DARS2: variants seen among roughly 807,000 people sequenced by gnomAD.
The protein encoded by DARS2 is aspartyl-tRNA synthetase 2, mitochondrial.
Under a neutral mutation model 83.0 loss-of-function variants are expected in DARS2, and 63 were observed. The observed-to-expected ratio is 0.76, with a 90% confidence interval of 0.62 to 0.94. The LOEUF is 0.94. DARS2 is among the 40% of genes least tolerant of loss of function. The pLI, the probability that DARS2 is intolerant of heterozygous loss-of-function variation, is 0.00. For synonymous variants in DARS2, 250 were observed against 269.3 expected, an observed-to-expected ratio of 0.93 and a Z score of 0.70; for missense variants, 675 against 774.4, an observed-to-expected ratio of 0.87 and a Z score of 1.52.
At chr1:173,850,726 C>T (rs1313821483) in intron 13 of DARS2, among the ~76,000 whole-genome samples, 1 of 151,846 alleles carries the variant, frequency 6.6e-6, no homozygotes, top group Non-Finnish European at 1.5e-5. Context: ...CTGCCTCAGC[C>T]TCCTGAGTAG....
intron 13 of DARS2, 89 bp from the exon 14 acceptor site, chr1:173,853,260 A>G (rs1653739897): frequency 7.8e-7 from 1 of 1,280,058 alleles, no homozygotes; most frequent in East Asian, 2.3e-5. Flanking sequence ...CCTTTCCTAG[A>G]GAATGGCCTG....
chr1:173,839,256 A>G (rs1653120204), intron 9 of DARS2, 111 bp from the exon 10 acceptor site: 1 of 881,366 alleles, frequency 1.1e-6, no homozygotes. Context: ...TAATATTTAT[A>G]CCCTCTGCAT....
intron 12 of DARS2, 78 bp downstream of exon 12, chr1:173,845,369 T>G: frequency 7.8e-6 from 7 of 896,132 alleles, no homozygotes; most frequent in Non-Finnish European, 1.3e-5. Flanking sequence ...ACTATCATTA[T>G]CATTAGTTTT....
Position 173,840,936 on chromosome 1 carries a change from A to T in DARS2, c.1091A>T (p.His364Leu). The change falls in exon 11 of 17, where the codon CAT becomes CTT. Residue 364 changes from histidine (H) to leucine (L), a missense_variant. Coordinates refer to ENST00000649689, the MANE Select transcript of DARS2 (RefSeq NM_018122.5). ...CTTCAAGATGCACTTAGTAAGCCCC[A>T]TGGAACTGTGAAAGCCATATGTATC... ...GFLQDALSKPHGTVKAICIPE... is the reference protein window; with the variant it reads ...GFLQDALSKPLGTVKAICIPE... The T allele has an allele frequency of 6.2e-7, 1 of 1,612,564 alleles. No individual in the cohort carries two copies. The highest frequency in any genetic ancestry group is 8.5e-7 in the Non-Finnish European group (1 of 1,178,580).
At chr1:173,838,333 A>G (rs549146028) in intron 9 of DARS2, 74 bp downstream of exon 9, 1 of 1,100,454 alleles carries the variant, frequency 9.1e-7, no homozygotes, top group Non-Finnish European at 1.4e-6. Flanking sequence ...AGACCAGTGC[A>G]GTATTAATAC....
chr1:173,828,160 G>A (rs1652654347), intron 2 of DARS2, among the ~76,000 whole-genome samples, 173 bp from the exon 3 acceptor site: 1 of 152,038 alleles, frequency 6.6e-6, no homozygotes, highest in Non-Finnish European at 1.5e-5. Context: ...TTGCATGAAT[G>A]TAACTAATGA....
At chr1:173,839,729 A>G (rs549156978) in intron 10 of DARS2, among the ~76,000 whole-genome samples, 183 bp downstream of exon 10, 2 of 152,340 alleles carry the variant, frequency 1.3e-5, no homozygotes, top group South Asian at 2.1e-4. Flanking sequence ...AGTGCTTTCT[A>G]TCTTTCATGT....
In DARS2 at chr1:173,856,118, CTGTT is replaced by C. The variant is rs541165556; in HGVS notation, c.1675-541_1675-538del. Among the ~76,000 whole-genome samples, 295 of 152,320 alleles carry C rather than the reference CTGTT, an allele frequency of 1.9e-3. 1 individual carries two copies. Among genetic ancestry groups the C allele is most frequent in the African/African-American group, 6.7e-3 (277 of 41,578 alleles). On this transcript the variant is annotated intron_variant, in intron 15 of 16. Transcript: ENST00000649689. ...AGTTCTAAGCATAAGGCTTTGGCCT[CTGTT>C]TGTTTGAAGCTTCCCACTTGATCCT...
intron 12 of DARS2, among the ~76,000 whole-genome samples, chr1:173,850,038 G>T (rs1653590539): frequency 6.6e-6 from 1 of 151,416 alleles, no homozygotes; most frequent in Non-Finnish European, 1.5e-5. Context: ...TGTATTTTTA[G>T]TAGAGATGGG....
At chr1:173,842,284 C>CTTTTTT (rs1178547914) in intron 11 of DARS2, among the ~76,000 whole-genome samples, 2,196 of 64,228 alleles carry the variant, frequency 0.034, 554 homozygotes, top group Non-Finnish European at 0.043. Flanking sequence ...TCATTACTTT[C>CTTTTTT]TTTTTTTTTT....
At position 173,828,321 on chromosome 1, in the gene DARS2, C is replaced by A. The variant is rs9425753; in HGVS notation, c.228-12C>A. The A allele has an allele frequency of 2.0e-5, 28 of 1,370,658 alleles. No homozygotes were observed. The highest frequency in any genetic ancestry group is 7.0e-5 in the South Asian group (6 of 86,090). The allele number at this position is 1,370,658 out of a possible 1,614,324, so 84.9% of individuals were successfully genotyped here. A position where few individuals can be genotyped will look rare whatever the true frequency, so the allele number is the denominator to read the frequency against. The stretch of plus-strand genomic sequence containing the variant: ...TCTTAAAATGTTTCTTTTCCCCCCC[C>A]CCATTAATCAGGCAAAACACATTCT... On this transcript the variant is annotated splice_polypyrimidine_tract_variant and intron_variant, in intron 2 of 16. Transcript: ENST00000649689.
chr1:173,841,957 ATTCT>A (rs1470143785), intron 11 of DARS2, among the ~76,000 whole-genome samples: 1 of 152,112 alleles, frequency 6.6e-6, no homozygotes, highest in Admixed American at 6.6e-5. Flanking sequence ...TTGCATGTTG[ATTCT>A]TTATCTTCTG....
chr1:173,830,717 G>C lies in DARS2; in HGVS notation c.352G>C (p.Val118Leu). 6.2e-7 allele frequency: 1 copy of C among 1,614,062 alleles called. No individual in the cohort carries two copies. The highest frequency in any genetic ancestry group is 1.1e-5 in the South Asian group (1 of 91,092). ...CEAPVESVVQ[V>L]SGTVISRPAG... ...AGCCCCTGTGGAATCTGTGGTGCAA[G>C]TGTCTGGTACAGTCATTTCCCGTCC... Residue 118 changes from valine (V) to leucine (L), a missense_variant, in exon 4 of 17, where the codon GTG (valine) becomes CTG (leucine). By Grantham distance (32) the Val-to-Leu change is conservative. Transcript: ENST00000649689.
At chr1:173,856,789 T>A in intron 16 of DARS2, 48 bp downstream of exon 16, 1 of 1,519,256 alleles carries the variant, frequency 6.6e-7, no homozygotes, top group Non-Finnish European at 9.1e-7. Context: ...CATTGCACTG[T>A]CTCAAATTCA....
chr1:173,857,720 G>C lies in DARS2; in HGVS notation c.*15G>C. The C allele has an allele frequency of 6.2e-7, 1 of 1,614,022 alleles. No homozygotes were observed. The highest frequency in any genetic ancestry group is 8.5e-7 in the Non-Finnish European group (1 of 1,179,950). The stretch of plus-strand genomic sequence containing the variant: ...GAGCTCATTGAATCATGCATACCAT[G>C]CAGAAAGTTGAGCTTTTAGGTTTTG... On this transcript the variant is annotated 3_prime_UTR_variant, in exon 17 of 17. Transcript: ENST00000649689.
At chr1:173,843,569 G>A (rs953922579) in intron 11 of DARS2, among the ~76,000 whole-genome samples, 1 of 152,040 alleles carries the variant, frequency 6.6e-6, no homozygotes, top group Non-Finnish European at 1.5e-5. Flanking sequence ...CAAAAAAAAA[G>A]AAAGAATAAC....
chr1:173,839,498 G>T lies in DARS2; in HGVS notation c.972G>T (p.Val324=), dbSNP rs1258676179. The T allele has an allele frequency of 1.9e-6, 3 of 1,614,010 alleles. No individual in the cohort carries two copies. The African/African-American group carries it at 4.0e-5, about 22-fold the overall frequency. ...VPFPTMTFAE[V]LATYGTDKPD... is the part of the protein sequence containing the mutation. ...TTCCTACTATGACTTTTGCTGAGGT[G>T]CTGGCCACCTATGGAACTGATAAAC... The change falls in exon 10 of 17, where the codon GTG becomes GTT. Residue 324 remains valine, a synonymous_variant. Transcript: ENST00000649689.
chr1:173,856,460 A>G (rs564724238), intron 15 of DARS2, among the ~76,000 whole-genome samples: 12 of 152,258 alleles, frequency 7.9e-5, no homozygotes, highest in South Asian at 2.1e-4. Flanking sequence ...ATAATCATCT[A>G]TGACTTGTCT....
In DARS2 at chr1:173,833,254, G is replaced by A. The variant is rs1020371057; in HGVS notation, c.493-122G>A. ...TGTAGGAATTAACAGCATACAGTGG[G>A]CTACTTAATGATAGAAACTAAAGAC... On this transcript the variant is annotated intron_variant, in intron 5 of 16. Coordinates refer to ENST00000649689, the MANE Select transcript of DARS2 (RefSeq NM_018122.5). 6.4e-6 allele frequency: 5 copies of A among 783,358 alleles called. No homozygotes were observed. The African/African-American group carries it at 7.0e-5, about 11-fold the overall frequency. 48.5% of individuals were successfully genotyped at this position (783,358 alleles called of 1,614,324 possible).
Sources: gnomAD v4.1 joint callset for allele counts (sites outside exome capture counted in the v4.1 genomes callset) on GRCh38, gnomAD v4.1.1 for gene constraint, MANE v1.5 for transcripts, NCBI Gene and HGNC (gene_info 2026-07-23, HGNC 2026-07-21) for gene names.